The following TENM4 variants were observed in gnomAD, a reference collection of about 807,000 sequenced individuals.
TENM4 encodes the protein teneurin-4.
A neutral mutation model predicts 243.3 loss-of-function variants in TENM4; 82 were observed. That is an observed-to-expected ratio of 0.34 (90% CI 0.28 to 0.40). The LOEUF is 0.40. TENM4 is among the 10% of genes least tolerant of loss of function. The probability of loss-of-function intolerance (pLI) is 1.00; values close to 1 mark genes in which losing one functional copy is unlikely to be tolerated. For missense variants in TENM4, 3,138 were observed against 3,673.3 expected (o/e 0.85, Z 3.77); for synonymous variants, 1,412 against 1,456.3 (o/e 0.97, Z 0.69).
intron 6 of TENM4, among the ~76,000 whole-genome samples, chr11:78,986,868 T>G (rs2136647348): frequency 6.6e-6 from 1 of 152,304 alleles, no homozygotes. Context: ...GTGACCCCAC[T>G]CGGCTGGTCA....
intron 2 of TENM4, among the ~76,000 whole-genome samples, chr11:79,286,669 C>CA (rs201419260): frequency 1.1e-4 from 17 of 149,726 alleles, no homozygotes; most frequent in East Asian, 7.9e-4. Context: ...AACTCCGTCT[C>CA]AAAAAAAAAA....
intron 6 of TENM4, among the ~76,000 whole-genome samples, chr11:78,932,389 C>G (rs1245808718): frequency 6.6e-6 from 1 of 152,180 alleles, no homozygotes; most frequent in East Asian, 1.9e-4. Flanking sequence ...ATGCTGTGGC[C>G]TCCGATTTGC....
At chr11:78,967,946 C>T (rs983084837) in intron 6 of TENM4, among the ~76,000 whole-genome samples, 1 of 152,230 alleles carries the variant, frequency 6.6e-6, no homozygotes, top group African/African-American at 2.4e-5. Flanking sequence ...TACCTGTCCC[C>T]TCCAAATCTC....
chr11:79,236,041 G>A (rs750800491), intron 2 of TENM4, among the ~76,000 whole-genome samples: 12 of 152,078 alleles, frequency 7.9e-5, no homozygotes, highest in Non-Finnish European at 1.3e-4. Flanking sequence ...TTCTGTTTTC[G>A]GGAGACTTGA....
At chr11:78,894,240 C>T (rs552988124) in intron 7 of TENM4, among the ~76,000 whole-genome samples, 68 of 152,258 alleles carry the variant, frequency 4.5e-4, no homozygotes, top group African/African-American at 1.6e-3. Flanking sequence ...CCTGCTGCCC[C>T]CCGGGACCTG....
intron 15 of TENM4, among the ~76,000 whole-genome samples, chr11:78,795,206 C>A (rs114831442): frequency 3.9e-5 from 6 of 152,158 alleles, no homozygotes; most frequent in East Asian, 1.9e-4. Context: ...AGCACTTTTA[C>A]GTGGATCTCC....
intron 25 of TENM4, among the ~76,000 whole-genome samples, chr11:78,717,046 G>A (rs946579522): frequency 6.6e-6 from 1 of 152,216 alleles, no homozygotes; most frequent in Non-Finnish European, 1.5e-5. Flanking sequence ...ATCCTGAGCA[G>A]GGCTGGACAC....
chr11:79,113,628 T>C (rs894141275), intron 4 of TENM4, among the ~76,000 whole-genome samples: 3 of 151,682 alleles, frequency 2.0e-5, no homozygotes, highest in African/African-American at 7.3e-5. Flanking sequence ...ATGACAATGT[T>C]AACTCTCCCC....
At chr11:78,965,369 A>C (rs1199393882) in intron 6 of TENM4, among the ~76,000 whole-genome samples, 1 of 152,060 alleles carries the variant, frequency 6.6e-6, no homozygotes, top group African/African-American at 2.4e-5. Context: ...AGTTCTGTCT[A>C]CCAGGCCACA....
chr11:78,831,917 G>C (rs1461247049), intron 12 of TENM4, among the ~76,000 whole-genome samples: 2 of 152,206 alleles, frequency 1.3e-5, no homozygotes, highest in Admixed American at 6.5e-5. Flanking sequence ...CCCCAAGCCA[G>C]TCAATATACC....
chr11:79,392,598 G>A (rs1858258108), intron 1 of TENM4, among the ~76,000 whole-genome samples: 1 of 152,206 alleles, frequency 6.6e-6, no homozygotes, highest in South Asian at 2.1e-4. Flanking sequence ...AGATTGGGCT[G>A]CCTGGGCCCT....
intron 12 of TENM4, among the ~76,000 whole-genome samples, chr11:78,817,933 C>T (rs1321503018): frequency 6.6e-6 from 1 of 152,156 alleles, no homozygotes; most frequent in Non-Finnish European, 1.5e-5. Flanking sequence ...CTTGGAAAGG[C>T]CTGGACATCT....
chr11:78,985,110 T>G (rs529164284), intron 6 of TENM4, among the ~76,000 whole-genome samples: 37 of 152,322 alleles, frequency 2.4e-4, no homozygotes, highest in Non-Finnish European at 4.0e-4. Flanking sequence ...ACAAGGCTGT[T>G]TGTGAGAATT....
chr11:78,722,346 C>T lies in TENM4; in HGVS notation c.3800+322G>A, dbSNP rs79899190. ...TTTTATAAAAAAGGTTCATGTGACT[C>T]ATTCTAATCAGTTTACTTCCAGGAA... On this transcript the variant is annotated intron_variant, in intron 24 of 33. Coordinates refer to ENST00000278550, the MANE Select transcript of TENM4 (RefSeq NM_001098816.3). 3.6e-3 allele frequency among the ~76,000 whole-genome samples: 551 copies of T among 152,300 alleles called. 1 individual carries two copies. The highest frequency in any genetic ancestry group is 0.012 in the African/African-American group (518 of 41,566).
intron 12 of TENM4, among the ~76,000 whole-genome samples, chr11:78,817,267 A>G (rs963580392): frequency 1.3e-5 from 2 of 152,238 alleles, no homozygotes; most frequent in African/African-American, 4.8e-5. Context: ...TCCTTCTTCA[A>G]GGTCTTAAAG....
At chr11:79,385,892 C>T (rs1858101897) in intron 1 of TENM4, among the ~76,000 whole-genome samples, 1 of 152,154 alleles carries the variant, frequency 6.6e-6, no homozygotes, top group African/African-American at 2.4e-5. Flanking sequence ...CTCCAAACCC[C>T]ACTTGCCATT....
At chr11:79,039,774 C>T (rs1859471863) in intron 6 of TENM4, among the ~76,000 whole-genome samples, 1 of 152,116 alleles carries the variant, frequency 6.6e-6, no homozygotes, top group African/African-American at 2.4e-5. Context: ...ACGTTCAGCA[C>T]ATGTATCTCA....
chr11:79,222,977 G>T (rs1864192858), intron 2 of TENM4, among the ~76,000 whole-genome samples: 1 of 152,104 alleles, frequency 6.6e-6, no homozygotes, highest in Non-Finnish European at 1.5e-5. Flanking sequence ...ATACATTGGG[G>T]CCTGTCAGGG....
chr11:78,781,127 G>A (rs995814558), intron 16 of TENM4, among the ~76,000 whole-genome samples: 2 of 152,220 alleles, frequency 1.3e-5, no homozygotes, highest in Non-Finnish European at 2.9e-5. Flanking sequence ...AGGCATATGC[G>A]GAAGTCCATA....
Sources: allele counts gnomAD v4.1 joint callset (sites outside exome capture counted in the v4.1 genomes callset), GRCh38; gene constraint gnomAD v4.1.1; transcripts MANE v1.5; gene names NCBI Gene and HGNC (gene_info 2026-07-23, HGNC 2026-07-21).